The following FAM135A variants were observed in gnomAD, a reference collection of about 807,000 sequenced individuals.
The protein encoded by FAM135A is family with sequence similarity 135 member A, also known as protein FAM135A.
A neutral mutation model predicts 146.8 loss-of-function variants in FAM135A; 79 were observed. That is an observed-to-expected ratio of 0.54 (90% confidence interval 0.45 to 0.65). The LOEUF is 0.65. Among genes scored for constraint, FAM135A ranks in the 30% least tolerant of loss-of-function variants. The probability of loss-of-function intolerance (pLI) is 0.00; values close to 1 mark genes in which losing one functional copy is unlikely to be tolerated. For synonymous variants in FAM135A, 562 were observed against 603.6 expected (o/e 0.93, Z 1.01); for missense variants, 1,623 against 1,758.2 (o/e 0.92, Z 1.38).
intron 2 of FAM135A, among the ~76,000 whole-genome samples, chr6:70,421,151 T>C (rs1768741922): frequency 6.6e-6 from 1 of 152,132 alleles, no homozygotes; most frequent in African/African-American, 2.4e-5. Flanking sequence ...CCCAAAGTGC[T>C]GGGATTATAG....
intron 5 of FAM135A, among the ~76,000 whole-genome samples, chr6:70,472,875 A>T (rs984207529): frequency 4.8e-4 from 73 of 152,256 alleles, no homozygotes; most frequent in African/African-American, 1.6e-3. Context: ...TTCTTGTTAC[A>T]TCCTATTAGG....
At chr6:70,482,270 C>T in intron 10 of FAM135A, 116 bp downstream of exon 10, 1 of 931,482 alleles carries the variant, frequency 1.1e-6, no homozygotes, top group Non-Finnish European at 1.5e-6. Context: ...TGTTTGTGTG[C>T]TTCACTTCTC....
intron 2 of FAM135A, among the ~76,000 whole-genome samples, chr6:70,416,385 T>TTTTATTTTGTTTACATTAAATAAAATC (rs1767583764): frequency 6.6e-6 from 1 of 152,246 alleles, no homozygotes; most frequent in African/African-American, 2.4e-5. Context: ...TGTTTTATAT[T>TTTTATTTTGTTTACATTAAATAAAATC]TTTATTTTGT....
intron 12 of FAM135A, among the ~76,000 whole-genome samples, chr6:70,508,911 A>C (rs1215078242): frequency 6.6e-6 from 1 of 152,208 alleles, no homozygotes; most frequent in Non-Finnish European, 1.5e-5. Context: ...GTGAAGTATT[A>C]ATATATCTTA....
chr6:70,439,081 G>A (rs1025002226), intron 4 of FAM135A, among the ~76,000 whole-genome samples: 1 of 152,166 alleles, frequency 6.6e-6, no homozygotes, highest in Non-Finnish European at 1.5e-5. Context: ...CTGAGAGGTG[G>A]GAGAGTCGCT....
chr6:70,470,593 G>T lies in FAM135A; in HGVS notation c.158-4817G>T, dbSNP rs566067040. Among the ~76,000 whole-genome samples the T allele has an allele frequency of 3.9e-3, 599 of 152,298 alleles. 8 individuals carry two copies. The highest frequency in any genetic ancestry group is 0.014 in the African/African-American group (578 of 41,568). On this transcript the variant is annotated intron_variant, in intron 5 of 21. Transcript: ENST00000418814. The stretch of plus-strand genomic sequence containing the variant: ...GCTGGTTTCAAACTCCTGACCTCAA[G>T]TGATCTGCCCGCCTCAGCCTCCCAA...
intron 11 of FAM135A, among the ~76,000 whole-genome samples, chr6:70,493,390 G>A (rs555912223): frequency 2.2e-3 from 331 of 152,072 alleles, no homozygotes; most frequent in African/African-American, 7.0e-3. Context: ...CTTTACATGC[G>A]TCTATATTAA....
intron 10 of FAM135A, among the ~76,000 whole-genome samples, chr6:70,486,514 A>G (rs1002627364): frequency 6.6e-6 from 1 of 152,194 alleles, no homozygotes; most frequent in Non-Finnish European, 1.5e-5. Context: ...TAAAGTTTCT[A>G]TGAAGAGCAC....
At chr6:70,439,408 T>C (rs901942804) in intron 4 of FAM135A, among the ~76,000 whole-genome samples, 1 of 152,234 alleles carries the variant, frequency 6.6e-6, no homozygotes, top group Non-Finnish European at 1.5e-5. Context: ...TTGTCTAATA[T>C]TAATATTATA....
chr6:70,484,581 A>G (rs1784280423), intron 10 of FAM135A, among the ~76,000 whole-genome samples: 1 of 152,188 alleles, frequency 6.6e-6, no homozygotes, highest in African/African-American at 2.4e-5. Context: ...TTTTGGGATG[A>G]AACTATTCCA....
At chr6:70,438,251 C>T (rs1773668996) in intron 4 of FAM135A, among the ~76,000 whole-genome samples, 2 of 152,152 alleles carry the variant, frequency 1.3e-5, no homozygotes, top group Admixed American at 1.3e-4. Flanking sequence ...TCATAAAAGA[C>T]ATCTCATATT....
intron 5 of FAM135A, among the ~76,000 whole-genome samples, chr6:70,460,951 G>A (rs1779318132): frequency 6.6e-6 from 1 of 151,012 alleles, no homozygotes; most frequent in African/African-American, 2.4e-5. Flanking sequence ...AGCCTCCCGA[G>A]TAGCTGGGAT....
chr6:70,443,193 G>A (rs1774952721), intron 4 of FAM135A, among the ~76,000 whole-genome samples: 1 of 152,116 alleles, frequency 6.6e-6, no homozygotes, highest in Non-Finnish European at 1.5e-5. Context: ...CCACATGCTT[G>A]CCATCATATT....
chr6:70,457,581 CTT>C (rs1229208093), intron 5 of FAM135A, among the ~76,000 whole-genome samples: 3 of 152,016 alleles, frequency 2.0e-5, no homozygotes, highest in Non-Finnish European at 4.4e-5. Context: ...CCTTCTTTGT[CTT>C]TTGAGAGAAA....
At chr6:70,424,015 A>T (rs1277776709) in intron 2 of FAM135A, among the ~76,000 whole-genome samples, 2 of 152,204 alleles carry the variant, frequency 1.3e-5, no homozygotes, top group Admixed American at 6.5e-5. Flanking sequence ...AAAATAAACA[A>T]TGAAAAAACT....
intron 12 of FAM135A, among the ~76,000 whole-genome samples, chr6:70,510,269 G>T (rs573495136): frequency 6.6e-6 from 1 of 150,548 alleles, no homozygotes; most frequent in African/African-American, 2.4e-5. Context: ...GGCGGGTGGG[G>T]ATAACAAATT....
In FAM135A at chr6:70,559,744, C is replaced by T. The variant is rs750518959; in HGVS notation, c.4371C>T (p.Asn1457=). The change falls in exon 22 of 22, where the codon AAC becomes AAT. Residue 1457 remains asparagine (N), a synonymous_variant. Coordinates refer to ENST00000418814, the MANE Select transcript of FAM135A (RefSeq NM_001162529.3). ...AGATCTATTCAGAAATGATCCACAA[C>T]TTGCTTCGACCCGTTCTGCAAAGCA... The part of the protein sequence containing the change: ...SGQIYSEMIH[N]LLRPVLQSKD... 1 of 1,614,064 alleles carries T rather than the reference C, an allele frequency of 6.2e-7. No individual in the cohort carries two copies. The highest frequency in any genetic ancestry group is 1.1e-5 in the South Asian group (1 of 91,080).
chr6:70,423,394 CAAAG>C (rs1769304923), intron 2 of FAM135A, among the ~76,000 whole-genome samples: 1 of 152,094 alleles, frequency 6.6e-6, no homozygotes, highest in South Asian at 2.1e-4. Flanking sequence ...GCTGCTGTAA[CAAAG>C]AGTTACGAGA....
At chr6:70,446,692 T>C (rs150199402) in intron 4 of FAM135A, among the ~76,000 whole-genome samples, 112 of 152,300 alleles carry the variant, frequency 7.4e-4, no homozygotes, top group African/African-American at 2.6e-3. Context: ...CCGGCCAAGA[T>C]TGATAAATAT....
Sources: gnomAD v4.1 joint callset for allele counts (sites outside exome capture counted in the v4.1 genomes callset) on GRCh38, gnomAD v4.1.1 for gene constraint, MANE v1.5 for transcripts, NCBI Gene and HGNC (gene_info 2026-07-23, HGNC 2026-07-21) for gene names.